Variants in CIITA observed in about 807,000 individuals in gnomAD.
CIITA encodes class II major histocompatibility complex transactivator, also known as MHC class II transactivator.
A neutral mutation model predicts 115.1 loss-of-function variants in CIITA; 72 were observed. The ratio of observed to expected loss-of-function variants is 0.63; its 90% CI spans 0.52 to 0.76. The LOEUF (loss-of-function observed/expected upper bound fraction) is 0.76. CIITA is among the 30% of genes least tolerant of loss of function. The probability of loss-of-function intolerance (pLI) is 0.00; values close to 1 mark genes in which losing one functional copy is unlikely to be tolerated. For synonymous variants in CIITA, 763 were observed against 635.6 expected, an observed-to-expected ratio of 1.20 and a Z score of -3.02; for missense variants, 1,617 against 1,463.8, an observed-to-expected ratio of 1.10 and a Z score of -1.71.
chr16:10,922,347 C>G, intron 17 of CIITA, 60 bp from the exon 18 acceptor site: 1 of 1,610,020 alleles, frequency 6.2e-7, no homozygotes, highest in Non-Finnish European at 8.5e-7. Flanking sequence ...GTGGGGGTGG[C>G]CTTGGTCTGG....
intron 13 of CIITA, among the ~76,000 whole-genome samples, chr16:10,911,081 G>A (rs997162044): frequency 6.6e-6 from 1 of 152,158 alleles, no homozygotes; most frequent in Admixed American, 6.5e-5. Context: ...ACCTAGGCAA[G>A]GCTCTAGGGA....
chr16:10,875,334 A>G (rs1055716448), upstream of CIITA, among the ~76,000 whole-genome samples: 1 of 152,110 alleles, frequency 6.6e-6, no homozygotes, highest in Non-Finnish European at 1.5e-5. Context: ...TTGACTCAGC[A>G]TTTCTTATTT....
Position 10,929,666 on chromosome 16 carries a change from GCAGGGAAGTCTTCCTC to G in CIITA, c.*5814_*5829del, listed in dbSNP as rs2040692627. On this transcript the variant is annotated 3_prime_UTR_variant, in exon 20 of 20. Transcript: ENST00000324288. This position sits in a 1 kb window ranked among gnomAD's most constrained non-coding sequence, Gnocchi z 4.3. ...CCAGGCTCGGGAGGCTTGGGGTGGG[GCAGGGAAGTCTTCCTC>G]CATCCCTCAAATTTAGGGAACCACT... The G allele has an allele frequency of 1.6e-6, 1 of 638,672 alleles. No homozygotes were observed. The highest frequency in any genetic ancestry group is 2.0e-5 in the African/African-American group (1 of 50,272). 39.6% of individuals were successfully genotyped at this position (638,672 alleles called of 1,614,324 possible). A position where few individuals can be genotyped will look rare whatever the true frequency, so the allele number is the denominator to read the frequency against.
rs894674560 is a variant in CIITA at position 10,901,675 on chromosome 16, T to C, written c.481+117T>C. ...ATGGTGCATGGTGCAGCCCCTGCCC[T>C]TCTTTGGGTAGAGGCTGAGAGCTTG... is the stretch of plus-strand genomic sequence containing the variant. On this transcript the variant is annotated intron_variant, in intron 6 of 19. Transcript: ENST00000324288. The surrounding 1 kb of genome is among the most constrained non-coding windows in gnomAD (Gnocchi z 6.8). The C allele has an allele frequency of 1.7e-6, 2 of 1,145,098 alleles. No homozygotes were observed. The highest frequency in any genetic ancestry group is 4.0e-5 in the Admixed American group (2 of 50,544). The allele number at this position is 1,145,098 out of a possible 1,614,324, so 70.9% of individuals were successfully genotyped here. A position where few individuals can be genotyped will look rare whatever the true frequency, so the allele number is the denominator to read the frequency against.
In CIITA at chr16:10,922,270, C is replaced by G. The variant is rs767262997; in HGVS notation, c.3233+20C>G. 4 of 1,612,360 alleles carry G rather than the reference C, an allele frequency of 2.5e-6. No individual in the cohort carries two copies. The African/African-American group carries it at 4.0e-5, about 16-fold the overall frequency. On this transcript the variant is annotated intron_variant, in intron 17 of 19. Coordinates refer to ENST00000324288, the MANE Select transcript of CIITA (RefSeq NM_000246.4). ...GATGGAGTGAGTGTGGGAGTCTGGGCGGTGGGTGGCTCAGCCCGGGGTGGG... is the reference window on the plus strand; with the variant it reads ...GATGGAGTGAGTGTGGGAGTCTGGGGGGTGGGTGGCTCAGCCCGGGGTGGG...
rs139294096 is a variant in CIITA, at chr16:10,889,568, G to A, written c.53-5714G>A. ...GGTATCTCACTTTGTCGCCCAGGCT[G>A]GAGTGCAGTGGCGCAGTCTTGGTTC... On this transcript the variant is annotated intron_variant, in intron 1 of 19. Coordinates refer to ENST00000324288, the MANE Select transcript of CIITA (RefSeq NM_000246.4). Among the ~76,000 whole-genome samples, 1,105 of 151,612 alleles carry A rather than the reference G, an allele frequency of 7.3e-3. 25 individuals carry two copies. Among genetic ancestry groups the A allele is most frequent in the African/African-American group, 0.025 (1,033 of 41,274 alleles).
intron 1 of CIITA, among the ~76,000 whole-genome samples, chr16:10,867,365 T>C (rs2035156564): frequency 6.7e-6 from 1 of 150,208 alleles, no homozygotes; most frequent in African/African-American, 2.4e-5. Flanking sequence ...TGCTTGTGTG[T>C]GCATGTGTGT....
At chr16:10,903,672 A>C in intron 8 of CIITA, 59 bp from the exon 9 acceptor site, 1 of 1,592,740 alleles carries the variant, frequency 6.3e-7, no homozygotes, top group Non-Finnish European at 8.6e-7. Flanking sequence ...GGGTGACCCA[A>C]GTGCATTTCT....
Position 10,941,490 on chromosome 16 carries a change from T to C in CIITA, n.616T>C. The C allele has an allele frequency of 7.6e-7, 1 of 1,317,660 alleles. No individual in the cohort carries two copies. Among genetic ancestry groups the C allele is most frequent in the Non-Finnish European group, 9.8e-7 (1 of 1,017,932 alleles). 81.6% of individuals were successfully genotyped at this position (1,317,660 alleles called of 1,614,324 possible). A position where few individuals can be genotyped will look rare whatever the true frequency, so the allele number is the denominator to read the frequency against. ...GGAGGAGAAGCCTGAGGGAGGGGTG[T>C]GTATCCGGCCTGGGAATTCCTCCCT... is the stretch of plus-strand genomic sequence containing the variant. On this transcript the variant is annotated non_coding_transcript_exon_variant, in exon 2 of 2. Transcript: ENST00000573379. This position sits in a 1 kb window ranked among gnomAD's most constrained non-coding sequence, Gnocchi z 6.4.
In CIITA at chr16:10,902,170, C is replaced by T; in HGVS notation, c.614C>T (p.Thr205Ile). Residue 205 changes from threonine (T) to isoleucine (I), a missense_variant, in exon 7 of 20, where the codon ACC becomes ATC. Physicochemically the swap from Thr to Ile is moderately conservative, Grantham distance 89. Coordinates refer to ENST00000324288, the MANE Select transcript of CIITA (RefSeq NM_000246.4). Reference sequence around the variant, plus strand: ...TCCGGCCAGATGCGCCTGGAGAAAACCGACCAGATTCCCAGTATGTTAGGG... The same window carrying T: ...TCCGGCCAGATGCGCCTGGAGAAAATCGACCAGATTCCCAGTATGTTAGGG... ...PASGQMRLEKTDQIPMPFSSS... is the reference protein window; with the variant it reads ...PASGQMRLEKIDQIPMPFSSS... The T allele has an allele frequency of 6.2e-7, 1 of 1,614,172 alleles. No homozygotes were observed. The highest frequency in any genetic ancestry group is 1.1e-5 in the South Asian group (1 of 91,082).
At chr16:10,884,418 C>T (rs1361821640) in intron 1 of CIITA, among the ~76,000 whole-genome samples, 2 of 152,104 alleles carry the variant, frequency 1.3e-5, no homozygotes, top group African/African-American at 2.4e-5. Flanking sequence ...TTCATTCATT[C>T]ATCCTTTCAT....
chr16:10,908,394 C>A, intron 11 of CIITA: 1 of 647,986 alleles, frequency 1.5e-6, no homozygotes, highest in Non-Finnish European at 2.8e-6. Context: ...ATGTGCCAGT[C>A]ACTGGGGTAT....
chr16:10,868,366 A>G (rs926323769), intron 1 of CIITA, among the ~76,000 whole-genome samples: 5 of 152,186 alleles, frequency 3.3e-5, no homozygotes, highest in Non-Finnish European at 5.9e-5. Flanking sequence ...CAGGGCATCA[A>G]ATGCATTTTG....
rs763402157 is a variant in CIITA, at chr16:10,907,258, A to G, written c.1766A>G (p.Glu589Gly). 3.1e-6 allele frequency: 5 copies of G among 1,613,304 alleles called. No homozygotes were observed. The highest frequency in any genetic ancestry group is 4.2e-6 in the Non-Finnish European group (5 of 1,179,948). Residue 589 changes from glutamate to glycine, a missense_variant, in exon 11 of 20, where the codon GAG becomes GGG. Physicochemically the swap from Glu to Gly is moderately conservative, Grantham distance 98. Coordinates refer to ENST00000324288, the MANE Select transcript of CIITA (RefSeq NM_000246.4). This position sits in a 1 kb window ranked among gnomAD's most constrained non-coding sequence, Gnocchi z 5.0. Reference protein sequence around the residue: ...MRYFESSGMTEHQDRALTLLR... With the variant: ...MRYFESSGMTGHQDRALTLLR... Reference sequence around the variant, plus strand: ...TACTTTGAGAGCTCAGGGATGACAGAGCACCAAGACAGAGCCCTGACGCTC... The same window carrying G: ...TACTTTGAGAGCTCAGGGATGACAGGGCACCAAGACAGAGCCCTGACGCTC...
rs1003764418 is a variant in CIITA, at chr16:10,915,613, C to T, written c.2932C>T (p.Arg978Trp). ...SGPQAFPKLV[R>W]ILTAFSSLQH... Reference sequence around the variant, plus strand: ...CCCCCAGGCTTTCCCCAAACTGGTGCGGATCCTCACGGCCTTTTCCTCCCT... The same window carrying T: ...CCCCCAGGCTTTCCCCAAACTGGTGTGGATCCTCACGGCCTTTTCCTCCCT... Residue 978 changes from arginine to tryptophan, a missense_variant, in exon 14 of 20, where the codon CGG (arginine) becomes TGG (tryptophan). Physicochemically the swap from Arg to Trp is moderately radical, Grantham distance 101. Transcript: ENST00000324288. The T allele has an allele frequency of 6.2e-6, 10 of 1,614,110 alleles. No homozygotes were observed. Among genetic ancestry groups the T allele is most frequent in the South Asian group, 1.1e-5 (1 of 91,084 alleles).
intron 1 of CIITA, among the ~76,000 whole-genome samples, chr16:10,893,691 C>A (rs1423885425): frequency 2.6e-5 from 4 of 151,162 alleles, no homozygotes; most frequent in Non-Finnish European, 5.9e-5. Flanking sequence ...TGCCTGTAAT[C>A]CCAGCTGCTC....
rs1408529136 is a variant in CIITA, at chr16:10,923,676, T to C, written c.*23-202T>C. 1.3e-5 allele frequency among the ~76,000 whole-genome samples: 2 copies of C among 152,134 alleles called. No individual in the cohort carries two copies. Among genetic ancestry groups the C allele is most frequent in the East Asian group, 3.9e-4 (2 of 5,182 alleles). ...CCTGATGCTCCGGGTTTGTCTCAGA[T>C]GAACTTGCTTGACAAGTCTCCTGCT... On this transcript the variant is annotated intron_variant, in intron 19 of 19. Transcript: ENST00000324288. The surrounding 1 kb of genome is among the most constrained non-coding windows in gnomAD (Gnocchi z 5.2).
chr16:10,941,328 A>G (rs2041099434), downstream of CIITA: 1 of 189,146 alleles, frequency 5.3e-6, no homozygotes, highest in African/African-American at 2.4e-5. This position sits in a 1 kb window ranked among gnomAD's most constrained non-coding sequence, Gnocchi z 6.4. Flanking sequence ...GAGCTACCCC[A>G]AATGTAACTT....
intron 3 of CIITA, among the ~76,000 whole-genome samples, chr16:10,897,300 G>A (rs1186909782): frequency 3.3e-5 from 5 of 152,242 alleles, no homozygotes; most frequent in East Asian, 1.9e-4. Context: ...AAGAGGTTTC[G>A]GTGTGATAGT....
Sources: gnomAD v4.1 joint callset for allele counts (sites outside exome capture counted in the v4.1 genomes callset) on GRCh38, gnomAD v4.1.1 for gene constraint, Gnocchi (gnomAD v3.1) non-coding constraint, MANE v1.5 for transcripts, NCBI Gene and HGNC (gene_info 2026-07-23, HGNC 2026-07-21) for gene names.